The following AQP9 variants were observed in gnomAD, a reference collection of about 807,000 sequenced individuals.
AQP9 encodes aquaporin-9.
In AQP9, 19 loss-of-function variants were observed where a neutral mutation model predicts 23.8. The observed-to-expected ratio is 0.80, with a 90% CI of 0.56 to 1.17. AQP9 has a LOEUF of 1.17. Among genes scored for constraint, AQP9 ranks in the 50% most tolerant of loss-of-function variants. The pLI, the probability that AQP9 is intolerant of heterozygous loss-of-function variation, is 0.00. For missense variants in AQP9, 413 were observed against 362.0 expected (o/e 1.14, Z -1.14); for synonymous variants, 153 against 131.5 (o/e 1.16, Z -1.12).
chr15:58,141,145 G>A (rs1303657150), intron 1 of AQP9, among the ~76,000 whole-genome samples: 1 of 152,202 alleles, frequency 6.6e-6, no homozygotes, highest in Non-Finnish European at 1.5e-5. Context: ...GCAAAAGGCT[G>A]ATCTCTTCCT....
chr15:58,164,960 G>A (rs1898466903), intron 1 of AQP9, among the ~76,000 whole-genome samples: 1 of 152,024 alleles, frequency 6.6e-6, no homozygotes, highest in African/African-American at 2.4e-5. Flanking sequence ...TCAATAGTAG[G>A]TTATTATCTT....
In AQP9 at chr15:58,184,024, C is replaced by T. The variant is rs1566992784; in HGVS notation, c.777C>T (p.Gly259=). The change falls in exon 6 of 6, where the codon GGC becomes GGT. Residue 259 remains glycine (G), a synonymous_variant. Transcript: ENST00000219919. ...VGPLVGAVIG[G]LIYVLVIEIH... Reference sequence around the variant, plus strand: ...CTTTGGTTGGTGCTGTCATTGGAGGCCTCATCTATGTTCTTGTCATTGAAA... The same window carrying T: ...CTTTGGTTGGTGCTGTCATTGGAGGTCTCATCTATGTTCTTGTCATTGAAA... 6.2e-7 allele frequency: 1 copy of T among 1,614,132 alleles called. No individual in the cohort carries two copies. The highest frequency in any genetic ancestry group is 8.5e-7 in the Non-Finnish European group (1 of 1,180,008).
At chr15:58,162,499 C>T (rs545231566) in intron 1 of AQP9, among the ~76,000 whole-genome samples, 1 of 152,256 alleles carries the variant, frequency 6.6e-6, no homozygotes, top group East Asian at 1.9e-4. Flanking sequence ...GTAATGAGCT[C>T]CCTATCCTTA....
intron 3 of AQP9, 111 bp from the exon 4 acceptor site, chr15:58,174,807 G>A (rs1295474677): frequency 5.9e-6 from 5 of 841,448 alleles, no homozygotes; most frequent in Non-Finnish European, 1.0e-5. Context: ...CAAATGACAT[G>A]GCTATGCCAA....
intron 2 of AQP9, among the ~76,000 whole-genome samples, chr15:58,169,049 T>A (rs1421134726): frequency 1.3e-5 from 2 of 152,126 alleles, no homozygotes; most frequent in Non-Finnish European, 2.9e-5. Context: ...TACCTGGGGA[T>A]TTCTGCAGTC....
intron 1 of AQP9, among the ~76,000 whole-genome samples, chr15:58,145,844 G>A (rs997397724): frequency 1.3e-5 from 2 of 152,124 alleles, no homozygotes; most frequent in African/African-American, 2.4e-5. Context: ...AACTTTCTCA[G>A]TCTTTGTCTG....
At chr15:58,141,935 T>G (rs1316025714) in intron 1 of AQP9, among the ~76,000 whole-genome samples, 1 of 152,226 alleles carries the variant, frequency 6.6e-6, no homozygotes, top group Non-Finnish European at 1.5e-5. Flanking sequence ...ACGTCCACTT[T>G]GCAGGGCAGA....
intron 1 of AQP9, chr15:58,151,257 G>A (rs1431724591): frequency 1.3e-5 from 2 of 152,000 alleles, no homozygotes; most frequent in Non-Finnish European, 2.9e-5. Flanking sequence ...AGTATGCCTT[G>A]CCTTACTAGT....
intron 1 of AQP9, among the ~76,000 whole-genome samples, chr15:58,145,852 CT>C (rs1160044160): frequency 1.3e-5 from 2 of 152,116 alleles, no homozygotes; most frequent in African/African-American, 2.4e-5. Context: ...CAGTCTTTGT[CT>C]GAATGTGTCT....
intron 1 of AQP9, among the ~76,000 whole-genome samples, chr15:58,162,330 C>A (rs1191447093): frequency 6.6e-6 from 1 of 152,218 alleles, no homozygotes; most frequent in African/African-American, 2.4e-5. Context: ...CCACTTATTG[C>A]AATGCCTGGT....
intron 2 of AQP9, among the ~76,000 whole-genome samples, chr15:58,170,124 T>A (rs1340463811): frequency 1.3e-5 from 2 of 152,154 alleles, no homozygotes; most frequent in African/African-American, 2.4e-5. Context: ...GTTCTCATGT[T>A]CTTTCCAATA....
chr15:58,148,800 T>C (rs1030926850), intron 1 of AQP9, among the ~76,000 whole-genome samples: 1 of 152,160 alleles, frequency 6.6e-6, no homozygotes, highest in Non-Finnish European at 1.5e-5. Flanking sequence ...TCACCTCTCC[T>C]TTCTGAGCTC....
At chr15:58,176,323 G>C (rs1898752787) in intron 4 of AQP9, among the ~76,000 whole-genome samples, 1 of 152,044 alleles carries the variant, frequency 6.6e-6, no homozygotes, top group Admixed American at 6.6e-5. Flanking sequence ...TTCACTACCA[G>C]CCTGGGCAAC....
Position 58,163,710 on chromosome 15 carries a change from T to A in AQP9, c.112-2963T>A, listed in dbSNP as rs72743582. 1.0e-2 allele frequency among the ~76,000 whole-genome samples: 1,516 copies of A among 152,130 alleles called. 14 individuals are homozygous for A. The highest frequency in any genetic ancestry group is 0.018 in the South Asian group (86 of 4,822). ...GTCTAAGAAGGGAAAGGTACGGCAG[T>A]TCTTGAAGGTGAGATCAGGGAATCA... On this transcript the variant is annotated intron_variant, in intron 1 of 5. Transcript: ENST00000219919.
chr15:58,157,928 T>G (rs1422473318), intron 1 of AQP9, among the ~76,000 whole-genome samples: 1 of 152,180 alleles, frequency 6.6e-6, no homozygotes, highest in African/African-American at 2.4e-5. Context: ...GAAGCTTTGA[T>G]GACAAGGCAC....
intron 1 of AQP9, among the ~76,000 whole-genome samples, chr15:58,144,700 T>A (rs1898009930): frequency 6.6e-6 from 1 of 152,086 alleles, no homozygotes; most frequent in Middle Eastern, 3.2e-3. Flanking sequence ...GATGGACAGA[T>A]GACAAGAAAA....
rs543617214 is a variant in AQP9 at position 58,140,655 on chromosome 15, T to C, written c.111+1979T>C. 7.9e-5 allele frequency among the ~76,000 whole-genome samples: 12 copies of C among 152,358 alleles called. No homozygotes were observed. In the East Asian group the frequency reaches 2.1e-3, roughly 27 times the overall value. On this transcript the variant is annotated intron_variant, in intron 1 of 5. Coordinates refer to ENST00000219919, the MANE Select transcript of AQP9 (RefSeq NM_020980.5). Reference sequence around the variant, plus strand: ...CTGCTTTATTAGAGAATGTGCATTTTGCCTTGTATTTTCTAGTAAAAAGCT... The same window carrying C: ...CTGCTTTATTAGAGAATGTGCATTTCGCCTTGTATTTTCTAGTAAAAAGCT...
At chr15:58,145,314 C>T (rs1898025563) in intron 1 of AQP9, among the ~76,000 whole-genome samples, 1 of 151,754 alleles carries the variant, frequency 6.6e-6, no homozygotes, top group African/African-American at 2.4e-5. Context: ...ACCAGCCTGG[C>T]CAACATGGTG....
chr15:58,138,799 CAGGAAGAAA>C, intron 1 of AQP9, 123 bp downstream of exon 1: 1 of 799,610 alleles, frequency 1.3e-6, no homozygotes, highest in Non-Finnish European at 2.0e-6. Flanking sequence ...TCATCTTTTC[CAGGAAGAAA>C]CAAGTTACTA....
Sources: allele counts gnomAD v4.1 joint callset (sites outside exome capture counted in the v4.1 genomes callset), GRCh38; gene constraint gnomAD v4.1.1; transcripts MANE v1.5; gene names NCBI Gene and HGNC (gene_info 2026-07-23, HGNC 2026-07-21).